SGCZ: variants seen among roughly 807,000 people sequenced by gnomAD.
The protein encoded by SGCZ is zeta-sarcoglycan.
Under a neutral mutation model 41.3 loss-of-function variants are expected in SGCZ, and 40 were observed. The ratio of observed to expected loss-of-function variants is 0.97; its 90% CI spans 0.75 to 1.26. The LOEUF is 1.26. SGCZ is among the 50% of genes most tolerant of loss of function. The pLI, the probability that SGCZ is intolerant of heterozygous loss-of-function variation, is 0.00. For missense variants in SGCZ, 552 were observed against 369.8 expected (o/e 1.49, Z -4.04); for synonymous variants, 206 against 137.5 (o/e 1.50, Z -3.49).
At chr8:15,154,333 T>C (rs114662976) in intron 1 of SGCZ, among the ~76,000 whole-genome samples, 1,682 of 152,242 alleles carry the variant, frequency 0.011, 32 homozygotes, top group African/African-American at 0.036. Context: ...CTACATGAAA[T>C]AAGCTGATCT....
chr8:15,165,291 C>G (rs911996342), intron 1 of SGCZ, among the ~76,000 whole-genome samples: 1 of 151,924 alleles, frequency 6.6e-6, no homozygotes, highest in African/African-American at 2.4e-5. Flanking sequence ...CTGTCCTCCC[C>G]GCCCCCACCA....
At chr8:14,418,300 T>A (rs1268682438) in intron 2 of SGCZ, among the ~76,000 whole-genome samples, 1 of 151,856 alleles carries the variant, frequency 6.6e-6, no homozygotes, top group Non-Finnish European at 1.5e-5. Context: ...TTAACAAATG[T>A]GAAGAGTAGA....
At chr8:14,666,686 A>C (rs1167727508) in intron 1 of SGCZ, among the ~76,000 whole-genome samples, 1 of 32,148 alleles carries the variant, frequency 3.1e-5, no homozygotes, top group African/African-American at 7.1e-4. Context: ...AGAATTTGCA[A>C]AAAAAAAAAA....
chr8:14,552,045 C>A (rs960336238), intron 2 of SGCZ, among the ~76,000 whole-genome samples: 1 of 151,890 alleles, frequency 6.6e-6, no homozygotes, highest in Non-Finnish European at 1.5e-5. Context: ...AAGTGAAATA[C>A]ATTTTGTGTA....
At position 14,588,513 on chromosome 8, in the gene SGCZ, A is replaced by G. The variant is rs115849263; in HGVS notation, c.40-33587T>C. On this transcript the variant is annotated intron_variant, in intron 1 of 7. Transcript: ENST00000382080. ...GTTCACTAATTAAAAATTTTGCCCT[A>G]GAACATTTTATGTGATTCAAATATT... Among the ~76,000 whole-genome samples, 874 of 152,310 alleles carry G rather than the reference A, an allele frequency of 5.7e-3. 4 individuals carry two copies. Among genetic ancestry groups the G allele is most frequent in the African/African-American group, 0.02 (840 of 41,586 alleles).
chr8:14,445,871 C>T (rs549523419), intron 2 of SGCZ, among the ~76,000 whole-genome samples: 1 of 152,246 alleles, frequency 6.6e-6, no homozygotes, highest in East Asian at 1.9e-4. Context: ...CCCAGAGCTG[C>T]CAGCTGGATC....
intron 1 of SGCZ, among the ~76,000 whole-genome samples, chr8:14,630,567 G>A (rs1806614186): frequency 6.6e-6 from 1 of 152,002 alleles, no homozygotes; most frequent in African/African-American, 2.4e-5. Context: ...AAAGACACAT[G>A]CACACGTATG....
chr8:14,108,552 G>T (rs992568743), intron 5 of SGCZ, among the ~76,000 whole-genome samples: 2 of 152,062 alleles, frequency 1.3e-5, no homozygotes, highest in Non-Finnish European at 2.9e-5. Context: ...AATACCATCA[G>T]ATCTCGTGAG....
rs117902066 is a variant in SGCZ, at chr8:14,149,465, G to A, written c.547+15115C>T. ...TTAATTACCTAGGAATTAACCAATGGAGTGAAAAATGTCAGTGATGGAAAC... is the reference window on the plus strand; with the variant it reads ...TTAATTACCTAGGAATTAACCAATGAAGTGAAAAATGTCAGTGATGGAAAC... On this transcript the variant is annotated intron_variant, in intron 5 of 7. Coordinates refer to ENST00000382080, the MANE Select transcript of SGCZ (RefSeq NM_139167.4). 3.1e-3 allele frequency among the ~76,000 whole-genome samples: 473 copies of A among 152,006 alleles called. 8 individuals carry two copies. Among genetic ancestry groups the A allele is most frequent in the East Asian group, 0.015 (79 of 5,172 alleles).
chr8:14,408,918 C>T (rs1799282109), intron 2 of SGCZ, among the ~76,000 whole-genome samples: 1 of 149,420 alleles, frequency 6.7e-6, no homozygotes, highest in South Asian at 2.1e-4. Context: ...ATTTTTATTA[C>T]TTCATAAAAG....
chr8:14,462,214 G>A (rs547429973), intron 2 of SGCZ, among the ~76,000 whole-genome samples: 1 of 151,602 alleles, frequency 6.6e-6, no homozygotes. Flanking sequence ...TTGCACTTTT[G>A]TGAAGAAGAC....
chr8:14,674,671 G>C (rs1015544073), intron 1 of SGCZ, among the ~76,000 whole-genome samples: 1 of 152,020 alleles, frequency 6.6e-6, no homozygotes, highest in Admixed American at 6.6e-5. Flanking sequence ...TGTGGATCAT[G>C]GGGGTGGATT....
At chr8:15,014,098 G>T (rs1375212397) in intron 1 of SGCZ, among the ~76,000 whole-genome samples, 3 of 152,172 alleles carry the variant, frequency 2.0e-5, no homozygotes, top group Non-Finnish European at 4.4e-5. Context: ...CTTCTGAAAT[G>T]ACAGAAGGTA....
At chr8:15,228,096 T>G (rs1801833332) in intron 1 of SGCZ, among the ~76,000 whole-genome samples, 1 of 152,352 alleles carries the variant, frequency 6.6e-6, no homozygotes, top group Non-Finnish European at 1.5e-5. Flanking sequence ...TTAAAGTCAG[T>G]TGTGTTTTTA....
intron 4 of SGCZ, among the ~76,000 whole-genome samples, chr8:14,233,623 C>T (rs1408788813): frequency 7.0e-6 from 1 of 142,258 alleles, no homozygotes; most frequent in African/African-American, 2.5e-5. Context: ...CTATATATAT[C>T]TTTCCTGAGA....
intron 1 of SGCZ, among the ~76,000 whole-genome samples, chr8:15,042,703 G>C (rs1804151182): frequency 6.6e-6 from 1 of 152,102 alleles, no homozygotes; most frequent in Admixed American, 6.6e-5. Context: ...TTATGCACAT[G>C]TCTAAATATA....
chr8:15,107,447 C>A (rs2131092972), intron 1 of SGCZ, among the ~76,000 whole-genome samples: 1 of 152,204 alleles, frequency 6.6e-6, no homozygotes, highest in African/African-American at 2.4e-5. Context: ...ATCATTTACC[C>A]ATGAAAGCTG....
chr8:14,168,937 C>T lies in SGCZ; in HGVS notation c.425-4235G>A, dbSNP rs1009193688. ...CAAATATAAATTAATTAATTTAATCCTCATAACAATCATGGGAGGTGATCC... is the reference window on the plus strand; with the variant it reads ...CAAATATAAATTAATTAATTTAATCTTCATAACAATCATGGGAGGTGATCC... On this transcript the variant is annotated intron_variant, in intron 4 of 7. Transcript: ENST00000382080. Among the ~76,000 whole-genome samples the T allele has an allele frequency of 7.2e-5, 11 of 151,988 alleles. No homozygotes were observed. In the East Asian group the frequency reaches 1.9e-3, roughly 27 times the overall value.
intron 4 of SGCZ, among the ~76,000 whole-genome samples, chr8:14,231,131 G>T (rs149772112): frequency 1.0e-3 from 141 of 141,132 alleles, no homozygotes; most frequent in African/African-American, 3.7e-3. Flanking sequence ...TTGCTTCCTA[G>T]TACTTTCCTT....
Sources: gnomAD v4.1 joint callset for allele counts (sites outside exome capture counted in the v4.1 genomes callset) on GRCh38, gnomAD v4.1.1 for gene constraint, MANE v1.5 for transcripts, NCBI Gene and HGNC (gene_info 2026-07-23, HGNC 2026-07-21) for gene names.